TENM4: variants seen among roughly 807,000 people sequenced by gnomAD.
The protein encoded by TENM4 is teneurin-4.
Under a neutral mutation model 243.3 loss-of-function variants are expected in TENM4, and 82 were observed. The ratio of observed to expected loss-of-function variants is 0.34; its 90% CI spans 0.28 to 0.40. The LOEUF is 0.40. Ranked by LOEUF, TENM4 falls within the 10% of genes least tolerant of loss-of-function variation. TENM4 has a pLI of 1.00. For synonymous variants in TENM4, 1,412 were observed against 1,456.3 expected, an observed-to-expected ratio of 0.97 and a Z score of 0.69; for missense variants, 3,138 against 3,673.3, an observed-to-expected ratio of 0.85 and a Z score of 3.77.
chr11:78,830,782 C>T (rs187751814), intron 12 of TENM4, among the ~76,000 whole-genome samples: 3 of 152,272 alleles, frequency 2.0e-5, no homozygotes, highest in South Asian at 2.1e-4. Context: ...AGAGAGACTC[C>T]GGGCAGGAAT....
chr11:79,129,556 AG>A (rs1213043721), intron 4 of TENM4, among the ~76,000 whole-genome samples: 1 of 152,116 alleles, frequency 6.6e-6, no homozygotes, highest in African/African-American at 2.4e-5. Flanking sequence ...GCATGGTGGG[AG>A]TGAGACTGGC....
intron 6 of TENM4, among the ~76,000 whole-genome samples, chr11:79,022,737 T>C (rs1256158934): frequency 1.3e-5 from 2 of 152,126 alleles, no homozygotes; most frequent in African/African-American, 4.8e-5. Flanking sequence ...AATGAAGAGA[T>C]GGTGATGATG....
chr11:78,814,828 T>C (rs922766540), intron 12 of TENM4, among the ~76,000 whole-genome samples: 5 of 152,238 alleles, frequency 3.3e-5, no homozygotes, highest in African/African-American at 1.2e-4. Flanking sequence ...ATAAAGCTAC[T>C]GAGCATTTAC....
At chr11:78,666,060 TTTG>T (rs1858150974) in intron 32 of TENM4, among the ~76,000 whole-genome samples, 1 of 151,804 alleles carries the variant, frequency 6.6e-6, no homozygotes, top group Non-Finnish European at 1.5e-5. Flanking sequence ...GAATTTTTTT[TTTG>T]TTGTTGTTGC....
chr11:79,070,545 C>T (rs1370028945), intron 4 of TENM4, among the ~76,000 whole-genome samples: 1 of 152,210 alleles, frequency 6.6e-6, no homozygotes, highest in Non-Finnish European at 1.5e-5. Context: ...CCCACACTTA[C>T]CACTACCAGA....
chr11:78,685,963 G>A (rs1858656822), intron 29 of TENM4, among the ~76,000 whole-genome samples: 1 of 152,176 alleles, frequency 6.6e-6, no homozygotes. Flanking sequence ...CTAATGTTGA[G>A]GCACTTCAGG....
chr11:78,905,415 T>C (rs1309638197), intron 6 of TENM4, among the ~76,000 whole-genome samples: 1 of 152,002 alleles, frequency 6.6e-6, no homozygotes, highest in East Asian at 1.9e-4. Context: ...GAGTTAGGGG[T>C]GGAAGGGAGA....
At chr11:78,884,633 TGTG>T (rs959582335) in intron 9 of TENM4, among the ~76,000 whole-genome samples, 15 of 152,160 alleles carry the variant, frequency 9.9e-5, no homozygotes, top group Non-Finnish European at 1.6e-4. Context: ...CCCACAGAAT[TGTG>T]GTGAGGGTCC....
chr11:78,958,758 G>A (rs1468766266), intron 6 of TENM4, among the ~76,000 whole-genome samples: 2 of 152,202 alleles, frequency 1.3e-5, no homozygotes, highest in Non-Finnish European at 2.9e-5. Context: ...TCCCACCATA[G>A]GAAACTGTCT....
intron 31 of TENM4, among the ~76,000 whole-genome samples, chr11:78,670,941 G>A (rs1454693178): frequency 6.6e-6 from 1 of 152,214 alleles, no homozygotes; most frequent in Non-Finnish European, 1.5e-5. Flanking sequence ...CGGCCAAGAA[G>A]CTTTGGCCTG....
intron 3 of TENM4, among the ~76,000 whole-genome samples, chr11:79,155,038 T>G (rs1317036253): frequency 1.3e-5 from 2 of 152,066 alleles, no homozygotes; most frequent in African/African-American, 4.8e-5. Flanking sequence ...CTCCACAAGC[T>G]CTCCCTTCCT....
intron 1 of TENM4, among the ~76,000 whole-genome samples, chr11:79,423,456 TG>T (rs1858980191): frequency 1.3e-5 from 2 of 152,062 alleles, no homozygotes; most frequent in African/African-American, 4.8e-5. Context: ...GCATGTGGTT[TG>T]AAAGGGTCTT....
At chr11:79,409,112 G>A (rs909623602) in intron 1 of TENM4, among the ~76,000 whole-genome samples, 29 of 144,244 alleles carry the variant, frequency 2.0e-4, no homozygotes, top group African/African-American at 5.1e-4. Context: ...GCGCGCGCGC[G>A]CGTGCGTGCA....
At chr11:79,343,166 C>T (rs942811094) in intron 1 of TENM4, among the ~76,000 whole-genome samples, 1 of 152,206 alleles carries the variant, frequency 6.6e-6, no homozygotes, top group African/African-American at 2.4e-5. Flanking sequence ...TCCTCCTGGC[C>T]CCTGGAAGAG....
intron 12 of TENM4, among the ~76,000 whole-genome samples, chr11:78,832,434 TG>T (rs1858005673): frequency 6.6e-6 from 1 of 152,384 alleles, no homozygotes; most frequent in African/African-American, 2.4e-5. Flanking sequence ...CATAGTGCTT[TG>T]CGTATGCACG....
At chr11:79,351,998 G>A (rs1183144990) in intron 1 of TENM4, among the ~76,000 whole-genome samples, 1 of 152,036 alleles carries the variant, frequency 6.6e-6, no homozygotes, top group Non-Finnish European at 1.5e-5. Flanking sequence ...CTAAACATCA[G>A]TTTTCTGATT....
intron 1 of TENM4, among the ~76,000 whole-genome samples, chr11:79,337,959 C>T (rs1304236636): frequency 6.6e-6 from 1 of 152,206 alleles, no homozygotes; most frequent in East Asian, 1.9e-4. Context: ...CCCCTCACTG[C>T]TTTTGAGACT....
At chr11:78,983,532 G>A (rs1160810591) in intron 6 of TENM4, among the ~76,000 whole-genome samples, 1 of 152,234 alleles carries the variant, frequency 6.6e-6, no homozygotes, top group Non-Finnish European at 1.5e-5. Context: ...AGATGCATGG[G>A]TCATGGCTCT....
chr11:79,354,993 A>G (rs750474798), intron 1 of TENM4, among the ~76,000 whole-genome samples: 2 of 152,200 alleles, frequency 1.3e-5, no homozygotes, highest in Non-Finnish European at 2.9e-5. Context: ...ATGGATCCCT[A>G]GCGGCTAACT....
Sources: gnomAD v4.1 joint callset for allele counts (sites outside exome capture counted in the v4.1 genomes callset) on GRCh38, gnomAD v4.1.1 for gene constraint, MANE v1.5 for transcripts, NCBI Gene and HGNC (gene_info 2026-07-23, HGNC 2026-07-21) for gene names.